Variants in SYN3 observed in about 807,000 individuals in gnomAD.
SYN3 encodes the protein synapsin III, also known as synapsin-3.
Under a neutral mutation model 65.8 loss-of-function variants are expected in SYN3, and 35 were observed. That is an observed-to-expected ratio of 0.53 (90% CI 0.41 to 0.70). The LOEUF (loss-of-function observed/expected upper bound fraction) is 0.70. Ranked by LOEUF, SYN3 falls within the 30% of genes least tolerant of loss-of-function variation. The pLI, the probability that SYN3 is intolerant of heterozygous loss-of-function variation, is 0.00. For synonymous variants in SYN3, 270 were observed against 292.9 expected (o/e 0.92, Z 0.80); for missense variants, 680 against 749.0 (o/e 0.91, Z 1.08).
At chr22:32,927,899 A>C (rs1457280505) in intron 4 of SYN3, among the ~76,000 whole-genome samples, 1 of 152,222 alleles carries the variant, frequency 6.6e-6, no homozygotes, top group East Asian at 1.9e-4. Flanking sequence ...TTCTCTCAGC[A>C]CACTGAAGAC....
chr22:32,543,241 G>T (rs2058287016), intron 7 of SYN3, among the ~76,000 whole-genome samples: 2 of 152,200 alleles, frequency 1.3e-5, no homozygotes, highest in Non-Finnish European at 2.9e-5. Context: ...TGAGCAGGCA[G>T]GCAGGCTGGG....
Position 32,565,641 on chromosome 22 carries a change from C to T in SYN3, c.775-23928G>A, listed in dbSNP as rs1003682197. 7.3e-5 allele frequency among the ~76,000 whole-genome samples: 11 copies of T among 150,780 alleles called. 1 individual carries two copies. The South Asian group carries it at 1.2e-3, about 17-fold the overall frequency. On this transcript the variant is annotated intron_variant, in intron 7 of 13. Transcript: ENST00000358763. ...AAGCAATCCTCCTGCTACAGCCTCCCGAGTAGCTAGGACTACAGGCATGCA... is the reference window on the plus strand; with the variant it reads ...AAGCAATCCTCCTGCTACAGCCTCCTGAGTAGCTAGGACTACAGGCATGCA...
intron 3 of SYN3, among the ~76,000 whole-genome samples, chr22:32,950,190 A>G (rs997180748): frequency 6.6e-6 from 1 of 152,290 alleles, no homozygotes; most frequent in Admixed American, 6.5e-5. Context: ...GGAGACAGAG[A>G]CACACAGGTA....
chr22:32,657,111 C>T (rs996083310), intron 6 of SYN3, among the ~76,000 whole-genome samples: 1 of 151,944 alleles, frequency 6.6e-6, no homozygotes. Flanking sequence ...TCCTGAGCCA[C>T]CCTCACTTCT....
chr22:32,853,307 G>A (rs577054476), intron 6 of SYN3, among the ~76,000 whole-genome samples: 2 of 152,316 alleles, frequency 1.3e-5, no homozygotes, highest in South Asian at 4.1e-4. Context: ...GATCATGGCC[G>A]TGATAGCTCG....
chr22:32,943,794 A>G (rs1445397602), intron 3 of SYN3, among the ~76,000 whole-genome samples: 1 of 152,222 alleles, frequency 6.6e-6, no homozygotes, highest in African/African-American at 2.4e-5. Flanking sequence ...CAGGGGTTGC[A>G]ATCCTAGTCT....
intron 4 of SYN3, among the ~76,000 whole-genome samples, chr22:32,874,918 C>A (rs12160008): frequency 6.6e-6 from 1 of 152,156 alleles, no homozygotes; most frequent in Admixed American, 6.5e-5. Flanking sequence ...ACCGAGTAAA[C>A]CAGCAAATGG....
intron 6 of SYN3, among the ~76,000 whole-genome samples, chr22:32,716,295 ATGTGTGCC>A (rs2061038784): frequency 6.6e-6 from 1 of 152,018 alleles, no homozygotes; most frequent in Admixed American, 6.6e-5. Context: ...ATCTCTGTGT[ATGTGTGCC>A]TGTGTGTCAT....
At chr22:32,911,067 A>C (rs1304994153) in intron 4 of SYN3, among the ~76,000 whole-genome samples, 1 of 152,210 alleles carries the variant, frequency 6.6e-6, no homozygotes, top group African/African-American at 2.4e-5. Context: ...ACATAGGGTC[A>C]TAGCAATTTG....
chr22:32,999,383 C>T (rs954207687), intron 2 of SYN3, among the ~76,000 whole-genome samples: 5 of 152,070 alleles, frequency 3.3e-5, no homozygotes, highest in African/African-American at 7.2e-5. Flanking sequence ...CTTACTCTTC[C>T]TGCAGAATAA....
At chr22:32,635,445 T>C (rs1000894867) in intron 6 of SYN3, among the ~76,000 whole-genome samples, 1 of 152,240 alleles carries the variant, frequency 6.6e-6, no homozygotes, top group Non-Finnish European at 1.5e-5. Flanking sequence ...TACTCACAGC[T>C]GATGCTGAGT....
chr22:32,982,426 CCA>C (rs1490710899), intron 2 of SYN3, among the ~76,000 whole-genome samples: 1 of 152,100 alleles, frequency 6.6e-6, no homozygotes, highest in Non-Finnish European at 1.5e-5. Flanking sequence ...CCCTATCTAC[CCA>C]TTGTTTAGAC....
chr22:32,664,742 C>T (rs928019279), intron 6 of SYN3, among the ~76,000 whole-genome samples: 2 of 151,460 alleles, frequency 1.3e-5, no homozygotes, highest in African/African-American at 2.4e-5. Context: ...ATGCGCCCGC[C>T]GCCAAGCCCG....
intron 6 of SYN3, among the ~76,000 whole-genome samples, chr22:32,838,975 A>C (rs1345620813): frequency 6.6e-6 from 1 of 151,488 alleles, no homozygotes; most frequent in African/African-American, 2.4e-5. Flanking sequence ...AGCCAAGCAG[A>C]AGAGAGGTGG....
intron 6 of SYN3, chr22:32,859,656 T>G: frequency 2.1e-6 from 1 of 479,212 alleles, no homozygotes; most frequent in South Asian, 3.0e-5. Context: ...TTCCTCTTCT[T>G]CGTGATAATA....
At chr22:32,612,255 G>GAACTCC (rs1297135214) in intron 6 of SYN3, among the ~76,000 whole-genome samples, 5 of 152,292 alleles carry the variant, frequency 3.3e-5, no homozygotes, top group African/African-American at 1.2e-4. Context: ...GGACTTATGC[G>GAACTCC]AACTCCAACT....
In SYN3 at chr22:32,716,191, T is replaced by A. The variant is rs531608772; in HGVS notation, c.712-119455A>T. Among the ~76,000 whole-genome samples, 5 of 152,256 alleles carry A rather than the reference T, an allele frequency of 3.3e-5. No individual in the cohort carries two copies. The South Asian group carries it at 1.0e-3, about 32-fold the overall frequency. ...CCCTGAAGCAGTTGGTGTACCCATCTCCAAAGAGTAAAGTTCCCACTTGAG... is the reference window on the plus strand; with the variant it reads ...CCCTGAAGCAGTTGGTGTACCCATCACCAAAGAGTAAAGTTCCCACTTGAG... On this transcript the variant is annotated intron_variant, in intron 6 of 13. Transcript: ENST00000358763.
chr22:32,570,566 A>C (rs2058745683), intron 7 of SYN3, among the ~76,000 whole-genome samples: 1 of 129,410 alleles, frequency 7.7e-6, no homozygotes, highest in African/African-American at 2.9e-5. Context: ...GGGTCGGGGG[A>C]GGAGTCTCAG....
At chr22:32,774,942 C>T (rs990473573) in intron 6 of SYN3, among the ~76,000 whole-genome samples, 2 of 152,168 alleles carry the variant, frequency 1.3e-5, no homozygotes, top group African/African-American at 4.8e-5. Context: ...ATGCTGAGGG[C>T]CTCCGTGGAG....
Sources: gnomAD v4.1 joint callset for allele counts (sites outside exome capture counted in the v4.1 genomes callset) on GRCh38, gnomAD v4.1.1 for gene constraint, MANE v1.5 for transcripts, NCBI Gene and HGNC (gene_info 2026-07-23, HGNC 2026-07-21) for gene names.